FADS2: variants seen among roughly 807,000 people sequenced by gnomAD.
FADS2 encodes the protein fatty acid desaturase 2, also known as acyl-CoA 6-desaturase.
A neutral mutation model predicts 61.2 loss-of-function variants in FADS2; 18 were observed. That is an observed-to-expected ratio of 0.29 (90% CI 0.20 to 0.44). FADS2 has a LOEUF of 0.44. FADS2 is among the 20% of genes least tolerant of loss of function. The pLI is 1.00. For synonymous variants in FADS2, 203 were observed against 223.9 expected (o/e 0.91, Z 0.83); for missense variants, 322 against 572.7 (o/e 0.56, Z 4.47).
chr11:61,843,714 A>C (rs945389571), intron 4 of FADS2, among the ~76,000 whole-genome samples: 1 of 152,192 alleles, frequency 6.6e-6, no homozygotes, highest in African/African-American at 2.4e-5. Flanking sequence ...GCTGGAGTGC[A>C]ATGGCGTGAT....
intron 1 of FADS2, among the ~76,000 whole-genome samples, chr11:61,834,880 G>A (rs1276289981): frequency 6.6e-6 from 1 of 151,850 alleles, no homozygotes; most frequent in South Asian, 2.1e-4. Flanking sequence ...GGCGGCTGAG[G>A]CTCTGGTGGG....
At chr11:61,848,678 C>A in intron 5 of FADS2, 1 of 181,830 alleles carries the variant, frequency 5.5e-6, no homozygotes, top group Non-Finnish European at 1.2e-5. Flanking sequence ...TGTTTTTTCC[C>A]AGGGTAGAGG....
At chr11:61,847,703 G>T (rs1287825521) in intron 4 of FADS2, 1 of 183,368 alleles carries the variant, frequency 5.5e-6, no homozygotes, top group Non-Finnish European at 1.2e-5. Context: ...TGCTCTATGA[G>T]TTGGTGTGTG....
intron 6 of FADS2, 90 bp from the exon 7 acceptor site, chr11:61,857,364 C>G (rs562232852): frequency 2.5e-6 from 3 of 1,217,138 alleles, no homozygotes; most frequent in Non-Finnish European, 3.6e-6. Context: ...GGGCTGGCCC[C>G]TGCACTCAGT....
At chr11:61,830,553 C>G (rs1256942599) in intron 1 of FADS2, among the ~76,000 whole-genome samples, 1 of 152,180 alleles carries the variant, frequency 6.6e-6, no homozygotes, top group Non-Finnish European at 1.5e-5. Context: ...GTAATAGTCT[C>G]GTCATTTCTG....
intron 7 of FADS2, among the ~76,000 whole-genome samples, chr11:61,860,209 G>T (rs2067401332): frequency 6.6e-6 from 1 of 152,230 alleles, no homozygotes; most frequent in Non-Finnish European, 1.5e-5. Context: ...CGTCTAGCCA[G>T]GATGGTGCTT....
intron 4 of FADS2, among the ~76,000 whole-genome samples, chr11:61,841,976 A>G (rs10897180): frequency 0.02 from 2,972 of 152,334 alleles, 48 homozygotes; most frequent in Non-Finnish European, 0.029. Flanking sequence ...TTCTGATCTG[A>G]CAGGCGTTAT....
At chr11:61,846,567 A>C (rs2067262089) in intron 4 of FADS2, 1 of 152,144 alleles carries the variant, frequency 6.6e-6, no homozygotes. Context: ...GCATCTCCCA[A>C]GTAAAATGTT....
At chr11:61,840,830 C>A (rs992724435) in intron 4 of FADS2, 105 bp downstream of exon 4, 2 of 878,562 alleles carry the variant, frequency 2.3e-6, no homozygotes, top group Non-Finnish European at 3.7e-6. Flanking sequence ...GGTGACAAGG[C>A]AGGTGTGCCT....
rs780633289 is a variant in FADS2 at position 61,816,539 on chromosome 11, G to A, written c.141+113G>A. Reference sequence around the variant, plus strand: ...CGGTCCCGCCCTCTCCTGTGCCCCCGCCTGGCTGCGCTCACCGTGGCATCC... The same window carrying A: ...CGGTCCCGCCCTCTCCTGTGCCCCCACCTGGCTGCGCTCACCGTGGCATCC... On this transcript the variant is annotated intron_variant, in intron 1 of 11. Coordinates refer to the FADS2 transcript ENST00000257261. This position sits in a 1 kb window ranked among gnomAD's most constrained non-coding sequence, Gnocchi z 7.0. 1.0e-5 allele frequency: 16 copies of A among 1,597,968 alleles called. No homozygotes were observed. Among genetic ancestry groups the A allele is most frequent in the Non-Finnish European group, 1.2e-5 (14 of 1,173,716 alleles).
In FADS2 at chr11:61,816,608, G is replaced by A; in HGVS notation, c.141+182G>A. 1 of 1,605,584 alleles carries A rather than the reference G, an allele frequency of 6.2e-7. No homozygotes were observed. The highest frequency in any genetic ancestry group is 1.1e-5 in the South Asian group (1 of 90,128). ...ATGACCCGGGAGCCCCCTGGATGCC[G>A]GCGGGTGAACTCGCTGATGTTGTAC... On this transcript the variant is annotated intron_variant, in intron 1 of 11. Coordinates refer to the FADS2 transcript ENST00000257261. The surrounding 1 kb of genome is among the most constrained non-coding windows in gnomAD (Gnocchi z 7.0).
At position 61,863,795 on chromosome 11, in the gene FADS2, G is replaced by C; in HGVS notation, c.1157+9G>C. The C allele has an allele frequency of 6.2e-7, 1 of 1,612,006 alleles. No individual in the cohort carries two copies. On this transcript the variant is annotated intron_variant, in intron 10 of 11. Coordinates refer to ENST00000278840, the MANE Select transcript of FADS2 (RefSeq NM_004265.4). ...TTCCAGATTGAGCACCAGTGAGCGC[G>C]GGGCTGCGGGGAGGCGGGGAGACCC... is the stretch of plus-strand genomic sequence containing the variant.
At chr11:61,863,560 G>A in intron 9 of FADS2, 147 bp from the exon 10 acceptor site, 1 of 762,588 alleles carries the variant, frequency 1.3e-6, no homozygotes. Flanking sequence ...GACAGGTGGG[G>A]CATCTGGGTG....
At chr11:61,843,750 C>G (rs1176685213) in intron 4 of FADS2, among the ~76,000 whole-genome samples, 3 of 152,112 alleles carry the variant, frequency 2.0e-5, no homozygotes, top group African/African-American at 7.2e-5. Context: ...CCTCCGTCTC[C>G]CGGGTTCAAG....
At chr11:61,840,211 T>C (rs1447397708) in intron 2 of FADS2, 123 bp from the exon 3 acceptor site, 1 of 781,796 alleles carries the variant, frequency 1.3e-6, no homozygotes, top group Non-Finnish European at 2.2e-6. Context: ...GGCTTGTGGC[T>C]TGGCCCCCTC....
At chr11:61,841,523 A>ACC (rs1270089061) in intron 4 of FADS2, among the ~76,000 whole-genome samples, 2 of 126,964 alleles carry the variant, frequency 1.6e-5, no homozygotes, top group African/African-American at 6.0e-5. Flanking sequence ...ACATAGTGAG[A>ACC]CCCCCCCCCA....
At chr11:61,860,583 T>A (rs925969587) in intron 7 of FADS2, among the ~76,000 whole-genome samples, 1 of 152,228 alleles carries the variant, frequency 6.6e-6, no homozygotes. Flanking sequence ...TCTCTGCCCC[T>A]GAAACCAGCG....
chr11:61,833,618 C>T (rs924660361), intron 1 of FADS2, among the ~76,000 whole-genome samples: 1 of 152,236 alleles, frequency 6.6e-6, no homozygotes, highest in Non-Finnish European at 1.5e-5. Flanking sequence ...TAAAAAAGGA[C>T]CTGCCTCACG....
In FADS2 at chr11:61,865,622, A is replaced by G. The variant is rs2067461549; in HGVS notation, c.1284-16A>G. The G allele has an allele frequency of 6.2e-7, 1 of 1,612,626 alleles. No homozygotes were observed. Among genetic ancestry groups the G allele is most frequent in the Non-Finnish European group, 8.5e-7 (1 of 1,179,238 alleles). On this transcript the variant is annotated splice_polypyrimidine_tract_variant and intron_variant, in intron 11 of 11. Transcript: ENST00000278840. The surrounding 1 kb of genome is among the most constrained non-coding windows in gnomAD (Gnocchi z 4.1). ...CCGTCCTGGTCCCTGACCCTGGTCC[A>G]TCCCCAACTTTGCAGGTCCCTGAAG...
Sources: gnomAD v4.1 joint callset for allele counts (sites outside exome capture counted in the v4.1 genomes callset) on GRCh38, gnomAD v4.1.1 for gene constraint, Gnocchi (gnomAD v3.1) non-coding constraint, MANE v1.5 for transcripts, NCBI Gene and HGNC (gene_info 2026-07-23, HGNC 2026-07-21) for gene names.